The following TENM2 variants were observed in gnomAD, a reference collection of about 807,000 sequenced individuals.
TENM2 encodes teneurin transmembrane protein 2, also known as teneurin-2.
In TENM2, 52 loss-of-function variants were observed where a neutral mutation model predicts 245.2. That is an observed-to-expected ratio of 0.21 (90% CI 0.17 to 0.27). TENM2 has a LOEUF of 0.27. Among genes scored for constraint, TENM2 ranks in the 10% least tolerant of loss-of-function variants. TENM2 has a pLI of 1.00. For missense variants in TENM2, 3,046 were observed against 3,666.8 expected, an observed-to-expected ratio of 0.83 and a Z score of 4.37; for synonymous variants, 1,363 against 1,438.9, an observed-to-expected ratio of 0.95 and a Z score of 1.19.
chr5:168,116,082 G>A (rs1408295080), intron 9 of TENM2, among the ~76,000 whole-genome samples: 10 of 152,066 alleles, frequency 6.6e-5, no homozygotes, highest in Admixed American at 3.9e-4. Flanking sequence ...ATATTTGCAT[G>A]TTCCCTAATT....
At chr5:167,565,786 T>G (rs933113498) in intron 2 of TENM2, among the ~76,000 whole-genome samples, 1 of 152,168 alleles carries the variant, frequency 6.6e-6, no homozygotes. Flanking sequence ...CTATACTGCC[T>G]CTCAGTGGTG....
chr5:167,185,231 T>C, the TENM2 span, among the ~76,000 whole-genome samples: 1 of 152,186 alleles, frequency 6.6e-6, no homozygotes, highest in Non-Finnish European at 1.5e-5. Flanking sequence ...AGAAGGGCCA[T>C]AATTAGGGCT....
intron 2 of TENM2, among the ~76,000 whole-genome samples, chr5:167,873,486 AC>A (rs1773157862): frequency 6.6e-6 from 1 of 151,474 alleles, no homozygotes; most frequent in Non-Finnish European, 1.5e-5. Context: ...GTGCGGTTTA[AC>A]CTCTCTGGGT....
chr5:167,416,896 A>G (rs909183624), intron 2 of TENM2, among the ~76,000 whole-genome samples: 7 of 152,132 alleles, frequency 4.6e-5, no homozygotes, highest in Admixed American at 3.3e-4. Flanking sequence ...TTGATTACAG[A>G]TGATTGTTTC....
chr5:167,141,875 A>T, the TENM2 span, among the ~76,000 whole-genome samples: 2 of 152,230 alleles, frequency 1.3e-5, no homozygotes. Context: ...CAAGGACAAA[A>T]GGAATTTGAT....
At chr5:167,654,021 A>G (rs1754661760) in intron 2 of TENM2, 1 of 152,140 alleles carries the variant, frequency 6.6e-6, no homozygotes, top group African/African-American at 2.4e-5. Flanking sequence ...TAGTTACATA[A>G]GTCAATATTG....
At chr5:167,353,861 G>A (rs1298875495) in intron 1 of TENM2, among the ~76,000 whole-genome samples, 1 of 152,092 alleles carries the variant, frequency 6.6e-6, no homozygotes, top group Non-Finnish European at 1.5e-5. Flanking sequence ...TTTTCGGAGT[G>A]GTTGGAGAGA....
intron 2 of TENM2, among the ~76,000 whole-genome samples, chr5:167,485,104 G>A (rs546780634): frequency 5.1e-4 from 78 of 152,236 alleles, no homozygotes; most frequent in Non-Finnish European, 9.8e-4. Context: ...TCATCCAGCC[G>A]GTGGCCCTAT....
intron 2 of TENM2, among the ~76,000 whole-genome samples, chr5:167,436,754 G>T (rs1764577595): frequency 1.3e-5 from 2 of 152,096 alleles, no homozygotes; most frequent in Admixed American, 1.3e-4. Flanking sequence ...CTGCAGCCAT[G>T]ACTAAAAGGG....
chr5:168,226,499 A>ACTGT (rs973639343), intron 24 of TENM2, among the ~76,000 whole-genome samples: 1 of 152,154 alleles, frequency 6.6e-6, no homozygotes, highest in Non-Finnish European at 1.5e-5. Flanking sequence ...AGATATTTGA[A>ACTGT]CTGTCTACAT....
chr5:167,686,675 TCAACCTAACTATTTGGGATTTGA>T, intron 2 of TENM2, among the ~76,000 whole-genome samples: 1 of 152,302 alleles, frequency 6.6e-6, no homozygotes, highest in South Asian at 2.1e-4. Flanking sequence ...TTCTTGGCTG[TCAACCTAACTATTTGGGATTTGA>T]AAAACCAAAA....
At chr5:167,481,649 G>T (rs1767766487) in intron 2 of TENM2, among the ~76,000 whole-genome samples, 1 of 152,082 alleles carries the variant, frequency 6.6e-6, no homozygotes, top group African/African-American at 2.4e-5. Flanking sequence ...TTTCAAAGAT[G>T]AAATAAGTAT....
chr5:167,200,577 T>C, the TENM2 span, among the ~76,000 whole-genome samples: 2 of 152,108 alleles, frequency 1.3e-5, no homozygotes, highest in South Asian at 4.1e-4. Context: ...AGGATAACTC[T>C]GTCACCAATG....
At position 167,786,775 on chromosome 5, in the gene TENM2, G is replaced by A. The variant is rs139051934; in HGVS notation, c.503-89211G>A. On this transcript the variant is annotated intron_variant, in intron 2 of 28. Transcript: ENST00000518659. Reference sequence around the variant, plus strand: ...GTTCAGAGCCTGTCTTTACCACCCAGGAGCTTTAACTTAGCACATAGGGGT... The same window carrying A: ...GTTCAGAGCCTGTCTTTACCACCCAAGAGCTTTAACTTAGCACATAGGGGT... Among the ~76,000 whole-genome samples, 726 of 152,322 alleles carry A rather than the reference G, an allele frequency of 4.8e-3. 3 individuals are homozygous for A. The highest frequency in any genetic ancestry group is 0.027 in the Middle Eastern group (8 of 294).
At chr5:168,147,617 G>C (rs10077866) in intron 12 of TENM2, among the ~76,000 whole-genome samples, 66,264 of 152,046 alleles carry the variant, frequency 0.44, 15,159 homozygotes, top group Non-Finnish European at 0.48. Context: ...AACTAAAGCA[G>C]GCAATGCCAT....
chr5:167,638,353 C>A (rs1004268630), intron 2 of TENM2, among the ~76,000 whole-genome samples: 1 of 152,180 alleles, frequency 6.6e-6, no homozygotes, highest in Non-Finnish European at 1.5e-5. Context: ...ATGTTAATAG[C>A]ACCCCAAGTC....
At chr5:167,278,223 G>C in the TENM2 span, among the ~76,000 whole-genome samples, 1 of 152,146 alleles carries the variant, frequency 6.6e-6, no homozygotes, top group Non-Finnish European at 1.5e-5. Flanking sequence ...AAGATCGCTT[G>C]TGTCTGGGAA....
chr5:168,114,862 G>A (rs1225045052), intron 9 of TENM2, among the ~76,000 whole-genome samples: 2 of 152,202 alleles, frequency 1.3e-5, no homozygotes, highest in African/African-American at 4.8e-5. Flanking sequence ...TTTTCACTGA[G>A]TAATTTAAGT....
At chr5:167,728,377 A>G (rs1337028059) in intron 2 of TENM2, among the ~76,000 whole-genome samples, 1 of 151,980 alleles carries the variant, frequency 6.6e-6, no homozygotes, top group Non-Finnish European at 1.5e-5. Context: ...CTGAGGTGAG[A>G]GGATCCCTTG....
Sources: allele counts gnomAD v4.1 joint callset (sites outside exome capture counted in the v4.1 genomes callset), GRCh38; gene constraint gnomAD v4.1.1; transcripts MANE v1.5; gene names NCBI Gene and HGNC (gene_info 2026-07-23, HGNC 2026-07-21).